Variants in ZNF33B observed in about 807,000 individuals in gnomAD.
ZNF33B encodes the protein zinc finger protein 11b (KOX 2).
A neutral mutation model predicts 45.8 loss-of-function variants in ZNF33B; 29 were observed. That is an observed-to-expected ratio of 0.63 (90% confidence interval 0.47 to 0.86). ZNF33B has a LOEUF of 0.86. Ranked by LOEUF, ZNF33B falls within the 40% of genes least tolerant of loss-of-function variation. The pLI, the probability that ZNF33B is intolerant of heterozygous loss-of-function variation, is 0.00. For synonymous variants in ZNF33B, 305 were observed against 307.8 expected (o/e 0.99, Z 0.10); for missense variants, 831 against 909.9 (o/e 0.91, Z 1.12).
At chr10:42,580,121 T>A (rs1340828611) in intron 1 of ZNF33B, among the ~76,000 whole-genome samples, 3 of 152,210 alleles carry the variant, frequency 2.0e-5, no homozygotes, top group Non-Finnish European at 4.4e-5. Context: ...ATGATCATGA[T>A]AAGTTGTCAT....
At chr10:42,626,328 T>TA (rs1838804425) in intron 4 of ZNF33B, among the ~76,000 whole-genome samples, 2 of 152,212 alleles carry the variant, frequency 1.3e-5, no homozygotes, top group African/African-American at 2.4e-5. Flanking sequence ...TATAGGTCTG[T>TA]AGTTTTATTA....
intron 4 of ZNF33B, among the ~76,000 whole-genome samples, chr10:42,606,352 C>G (rs901583594): frequency 2.0e-5 from 3 of 151,990 alleles, no homozygotes; most frequent in African/African-American, 7.3e-5. Context: ...GTAATCCTAG[C>G]AACTCGGGAG....
At chr10:42,613,718 T>C (rs1408251287) in intron 4 of ZNF33B, among the ~76,000 whole-genome samples, 3 of 152,196 alleles carry the variant, frequency 2.0e-5, no homozygotes, top group Non-Finnish European at 2.9e-5. Flanking sequence ...TTAAGAGAGA[T>C]ACAGATGGTT....
intron 1 of ZNF33B, among the ~76,000 whole-genome samples, chr10:42,637,839 G>A (rs1314227088): frequency 6.6e-6 from 1 of 152,122 alleles, no homozygotes; most frequent in Non-Finnish European, 1.5e-5. Context: ...TTTTAGTAGA[G>A]ACGGGGATTT....
intron 4 of ZNF33B, among the ~76,000 whole-genome samples, chr10:42,605,916 T>C (rs1317025951): frequency 6.6e-6 from 1 of 151,842 alleles, no homozygotes; most frequent in African/African-American, 2.4e-5. Flanking sequence ...GGCAACATAC[T>C]GAGACCCTAT....
intron 4 of ZNF33B, among the ~76,000 whole-genome samples, chr10:42,607,679 T>G (rs2473120): frequency 0.02 from 3,106 of 152,294 alleles, 42 homozygotes; most frequent in Middle Eastern, 0.045. Flanking sequence ...ATCCTGATAA[T>G]AGTCAAATTA....
intron 2 of ZNF33B, 106 bp downstream of exon 2, chr10:42,636,814 C>G: frequency 4.6e-6 from 7 of 1,509,242 alleles, no homozygotes; most frequent in Non-Finnish European, 6.4e-6. Context: ...GGCGACAGAG[C>G]GAGACTCCAT....
At chr10:42,596,694 T>C (rs1008124421) in intron 4 of ZNF33B, among the ~76,000 whole-genome samples, 2 of 152,140 alleles carry the variant, frequency 1.3e-5, no homozygotes, top group African/African-American at 4.8e-5. Context: ...AAAAAATTTT[T>C]GATACTATTG....
At chr10:42,613,286 C>T (rs1312068580) in intron 4 of ZNF33B, among the ~76,000 whole-genome samples, 2 of 152,062 alleles carry the variant, frequency 1.3e-5, no homozygotes, top group Non-Finnish European at 2.9e-5. Context: ...TGGCTCTCAC[C>T]TTTAATCCCA....
At chr10:42,585,714 C>T (rs1313658485), downstream of ZNF33B, among the ~76,000 whole-genome samples, 2 of 152,202 alleles carry the variant, frequency 1.3e-5, no homozygotes, top group African/African-American at 4.8e-5. Flanking sequence ...CATCTTCTGA[C>T]ACTGTTAGCA....
At chr10:42,622,769 A>G (rs1157502077) in intron 4 of ZNF33B, among the ~76,000 whole-genome samples, 1 of 152,172 alleles carries the variant, frequency 6.6e-6, no homozygotes, top group Non-Finnish European at 1.5e-5. Context: ...CAAAAAAATG[A>G]TGCTGGGTTA....
chr10:42,581,726 C>T (rs1360418876), intron 1 of ZNF33B: 10 of 152,182 alleles, frequency 6.6e-5, no homozygotes, highest in Admixed American at 3.9e-4. Flanking sequence ...CTGCCTGGGA[C>T]ATAAGAGCAG....
chr10:42,620,019 G>A (rs1425026872), intron 4 of ZNF33B, among the ~76,000 whole-genome samples: 3 of 151,916 alleles, frequency 2.0e-5, no homozygotes, highest in Admixed American at 6.6e-5. Context: ...AGTTCAAGAC[G>A]AGCCTGGCCA....
At chr10:42,601,560 G>A (rs1837624406) in intron 4 of ZNF33B, among the ~76,000 whole-genome samples, 1 of 136,178 alleles carries the variant, frequency 7.3e-6, no homozygotes, top group African/African-American at 2.8e-5. Context: ...TGCAACTTCT[G>A]CCTCCCATGT....
chr10:42,584,285 T>C (rs559746896), downstream of ZNF33B, among the ~76,000 whole-genome samples: 8 of 152,316 alleles, frequency 5.3e-5, 2 homozygotes, highest in African/African-American at 1.7e-4. Flanking sequence ...AGCACTAGCC[T>C]GGGAGTTCTG....
rs1454025225 is a variant in ZNF33B, at chr10:42,592,552, G to C, written c.*61C>G. 6.4e-7 allele frequency: 1 copy of C among 1,557,794 alleles called. No homozygotes were observed. The highest frequency in any genetic ancestry group is 8.7e-7 in the Non-Finnish European group (1 of 1,150,720). On this transcript the variant is annotated 3_prime_UTR_variant, in exon 5 of 5. Coordinates refer to ENST00000359467, the MANE Select transcript of ZNF33B (RefSeq NM_006955.3). The stretch of plus-strand genomic sequence containing the variant: ...GGATGTCAACAGGCCCTTCTCCACA[G>C]TGTGAAGACTCTGAGGCATTATGGA...
intron 4 of ZNF33B, among the ~76,000 whole-genome samples, chr10:42,615,398 T>A (rs1417672497): frequency 1.3e-5 from 2 of 152,062 alleles, no homozygotes; most frequent in Non-Finnish European, 2.9e-5. Flanking sequence ...AAAAAACAAG[T>A]GAAATATTGA....
intron 4 of ZNF33B, among the ~76,000 whole-genome samples, chr10:42,628,641 AATGT>A (rs1472814243): frequency 6.6e-6 from 1 of 152,038 alleles, no homozygotes; most frequent in Non-Finnish European, 1.5e-5. Flanking sequence ...GTTTTTGATT[AATGT>A]TTGTACAGTT....
chr10:42,602,350 T>C (rs892947429), intron 4 of ZNF33B, among the ~76,000 whole-genome samples: 12 of 152,298 alleles, frequency 7.9e-5, no homozygotes, highest in African/African-American at 2.6e-4. Flanking sequence ...ACTTAAGTTT[T>C]AGAACATATG....
Sources: gnomAD v4.1 joint callset for allele counts (sites outside exome capture counted in the v4.1 genomes callset) on GRCh38, gnomAD v4.1.1 for gene constraint, MANE v1.5 for transcripts, NCBI Gene and HGNC (gene_info 2026-07-23, HGNC 2026-07-21) for gene names.